The following NUPR2 variants were observed in gnomAD, a reference collection of about 807,000 sequenced individuals.
NUPR2 encodes the protein nuclear protein 2.
NUPR2 carries 14 observed loss-of-function variants against 7.3 expected under a neutral mutation model. That is an observed-to-expected ratio of 1.93 (90% CI 1.27 to 3.01). The LOEUF is 3.01. Among genes scored for constraint, NUPR2 ranks in the 30% most tolerant of loss-of-function variants. The pLI, the probability that NUPR2 is intolerant of heterozygous loss-of-function variation, is 0.00. For synonymous variants in NUPR2, 56 were observed against 59.7 expected (o/e 0.94, Z 0.29); for missense variants, 162 against 143.7 (o/e 1.13, Z -0.65).
In NUPR2 at chr7:56,116,277, T is replaced by C; in HGVS notation, c.38A>G (p.Gln13Arg). The C allele has an allele frequency of 1.3e-6, 2 of 1,501,436 alleles. No homozygotes were observed. The highest frequency in any genetic ancestry group is 1.8e-6 in the Non-Finnish European group (2 of 1,129,228). The allele number at this position is 1,501,436 out of a possible 1,614,324, so 93.0% of individuals were successfully genotyped here. A position where few individuals can be genotyped will look rare whatever the true frequency, so the allele number is the denominator to read the frequency against. Reference sequence around the variant, plus strand: ...GGGTGGCGGCGGCCGAGCCAGAGCCTGCAGACGTGGAAGCGCCCGCTCTGC... The same window carrying C: ...GGGTGGCGGCGGCCGAGCCAGAGCCCGCAGACGTGGAAGCGCCCGCTCTGC... Reference protein sequence around the residue: ...APAERALPRLQALARPPPPIS... With the variant: ...APAERALPRLRALARPPPPIS... The change falls in exon 1 of 2, where the codon CAG becomes CGG. Residue 13 changes from glutamine (Q) to arginine (R), a missense_variant. Coordinates refer to ENST00000329309, the MANE Select transcript of NUPR2 (RefSeq NM_001145712.2).
At chr7:56,115,428 T>TATATA (rs58684972) in intron 1 of NUPR2, among the ~76,000 whole-genome samples, 5 of 45,926 alleles carry the variant, frequency 1.1e-4, no homozygotes, top group Non-Finnish European at 1.6e-4. Flanking sequence ...TATATATATA[T>TATATA]TTGTGTGTGT....
At position 56,116,187 on chromosome 7, in the gene NUPR2, C is replaced by A; in HGVS notation, c.128G>T (p.Cys43Phe). 1 of 1,548,930 alleles carries A rather than the reference C, an allele frequency of 6.5e-7. No homozygotes were observed. The highest frequency in any genetic ancestry group is 8.7e-7 in the Non-Finnish European group (1 of 1,145,976). Residue 43 changes from cysteine (C) to phenylalanine (F), a missense_variant, in exon 1 of 2, where the codon TGC (cysteine) becomes TTC (phenylalanine). Transcript: ENST00000329309. ...CCGGCCCTTGCTGCGCCCTGCCCCG[C>A]AGGCCGGGAAGTCGCGCAGGTAGTA... ...DYYYLRDFPA[C>F]GAGRSKGRTR...
rs1426045768 is a variant in NUPR2 at position 56,116,189 on chromosome 7, G to A, written c.126C>T (p.Ala42=). 14 of 1,548,850 alleles carry A rather than the reference G, an allele frequency of 9.0e-6. No homozygotes were observed. The highest frequency in any genetic ancestry group is 3.5e-6 in the Non-Finnish European group (4 of 1,146,022). The change falls in exon 1 of 2, where the codon GCC becomes GCT. Residue 42 remains alanine, a synonymous_variant. Transcript: ENST00000329309. ...LDYYYLRDFP[A]CGAGRSKGRT... is the part of the protein sequence containing the mutation. ...GGCCCTTGCTGCGCCCTGCCCCGCA[G>A]GCCGGGAAGTCGCGCAGGTAGTAGT... is the stretch of plus-strand genomic sequence containing the variant.
At chr7:56,115,422 T>TAC (rs1360953790) in intron 1 of NUPR2, among the ~76,000 whole-genome samples, 6,420 of 55,102 alleles carry the variant, frequency 0.12, 1,202 homozygotes, top group African/African-American at 0.16. Context: ...TATATATATA[T>TAC]ATATATTTGT....
rs142733815 is a variant in NUPR2, at chr7:56,114,766, A to T, written c.*138T>A. 10 of 152,324 alleles carry T rather than the reference A, an allele frequency of 6.6e-5. No homozygotes were observed. The highest frequency in any genetic ancestry group is 2.4e-4 in the African/African-American group (10 of 41,586). 9.4% of individuals were successfully genotyped at this position (152,324 alleles called of 1,614,324 possible). On this transcript the variant is annotated 3_prime_UTR_variant, in exon 2 of 2. Coordinates refer to ENST00000329309, the MANE Select transcript of NUPR2 (RefSeq NM_001145712.2). ...CTACTTAATTAACAATCAATTAGTA[A>T]GGAAAAGATATCGAAGCAGTAAACT...
chr7:56,115,961 G>A (rs962997555), intron 1 of NUPR2, 54 bp downstream of exon 1: 2 of 1,360,226 alleles, frequency 1.5e-6, no homozygotes, highest in South Asian at 1.6e-5. Context: ...GCCGTGGGGG[G>A]ACGCTCCTAG....
At chr7:56,115,375 A>G in intron 1 of NUPR2, among the ~76,000 whole-genome samples, 1 of 137,040 alleles carries the variant, frequency 7.3e-6, no homozygotes, top group Admixed American at 7.6e-5. Context: ...CTGTAACCTC[A>G]GCCTCCCGGG....
intron 1 of NUPR2, among the ~76,000 whole-genome samples, chr7:56,115,424 TATATTTGTGTG>T (rs1785527739): frequency 2.0e-5 from 1 of 50,206 alleles, no homozygotes; most frequent in Non-Finnish European, 3.5e-5. Context: ...TATATATATA[TATATTTGTGTG>T]TGTGTGTGTG....
At position 56,116,391 on chromosome 7, in the gene NUPR2, G is replaced by A. The variant is rs912619062; in HGVS notation, c.-77C>T. On this transcript the variant is annotated 5_prime_UTR_variant, in exon 1 of 2. Coordinates refer to ENST00000329309, the MANE Select transcript of NUPR2 (RefSeq NM_001145712.2). ...CTGGAAGACCCAGCAGCCCCGCCTC[G>A]AGTTCCGATGGGCTCCGCGTGAAGG... is the stretch of plus-strand genomic sequence containing the variant. 7 of 816,988 alleles carry A rather than the reference G, an allele frequency of 8.6e-6. No individual in the cohort carries two copies. In the Admixed American group the frequency reaches 1.6e-4, roughly 19 times the overall value. The allele number at this position is 816,988 out of a possible 1,614,324, so 50.6% of individuals were successfully genotyped here. A position where few individuals can be genotyped will look rare whatever the true frequency, so the allele number is the denominator to read the frequency against.
In NUPR2 at chr7:56,115,429, T is replaced by TGTG. The variant is rs1554376538; in HGVS notation, c.*7-533_*7-532insCAC. 4.8e-4 allele frequency among the ~76,000 whole-genome samples: 15 copies of TGTG among 30,996 alleles called. 1 individual carries two copies. Among genetic ancestry groups the TGTG allele is most frequent in the South Asian group, 1.1e-3 (1 of 888 alleles). 20.3% of individuals were successfully genotyped at this position (30,996 alleles called of 152,430 possible). On this transcript the variant is annotated intron_variant, in intron 1 of 1. Transcript: ENST00000329309. ...TATATATATATATATATATATATAT[T>TGTG]TGTGTGTGTGTGTGTGTGTGTGTGT...
At chr7:56,115,932 C>T in intron 1 of NUPR2, 83 bp downstream of exon 1, 1 of 1,270,126 alleles carries the variant, frequency 7.9e-7, no homozygotes, top group South Asian at 1.7e-5. Flanking sequence ...CCGACTCTGC[C>T]CAGGGCGAGC....
rs1041656545 is a variant in NUPR2, at chr7:56,115,286, T to C, written c.*7-389A>G. On this transcript the variant is annotated intron_variant, in intron 1 of 1. Coordinates refer to ENST00000329309, the MANE Select transcript of NUPR2 (RefSeq NM_001145712.2). ...GAGCGCCGGAAGAAAAGCTCCTACC[T>C]GCATCTATTTTTTTTAGACACAGGG... Among the ~76,000 whole-genome samples the C allele has an allele frequency of 8.7e-5, 13 of 150,010 alleles. 1 individual carries two copies. Among genetic ancestry groups the C allele is most frequent in the Admixed American group, 8.0e-4 (12 of 15,000 alleles).
intron 1 of NUPR2, 56 bp from the exon 2 acceptor site, chr7:56,114,953 T>G (rs1385964740): frequency 1.3e-5 from 2 of 152,200 alleles, no homozygotes; most frequent in Non-Finnish European, 2.9e-5. Context: ...TTTCTTTTTT[T>G]GACACAGGGT....
rs375800151 is a variant in NUPR2 at position 56,115,429 on chromosome 7, T to G, written c.*7-532A>C. Reference sequence around the variant, plus strand: ...TATATATATATATATATATATATATTTGTGTGTGTGTGTGTGTGTGTGTGT... The same window carrying G: ...TATATATATATATATATATATATATGTGTGTGTGTGTGTGTGTGTGTGTGT... On this transcript the variant is annotated intron_variant, in intron 1 of 1. Coordinates refer to ENST00000329309, the MANE Select transcript of NUPR2 (RefSeq NM_001145712.2). Among the ~76,000 whole-genome samples the G allele has an allele frequency of 3.3e-3, 102 of 30,952 alleles. 2 individuals are homozygous for G. The highest frequency in any genetic ancestry group is 4.7e-3 in the Non-Finnish European group (87 of 18,414). 20.3% of individuals were successfully genotyped at this position (30,952 alleles called of 152,430 possible).
rs958869559 is a variant in NUPR2, at chr7:56,116,352, G to C, written c.-38C>G. The C allele has an allele frequency of 1.6e-5, 19 of 1,213,932 alleles. No homozygotes were observed. In the East Asian group the frequency reaches 6.2e-4, roughly 39 times the overall value. 75.2% of individuals were successfully genotyped at this position (1,213,932 alleles called of 1,614,324 possible). On this transcript the variant is annotated 5_prime_UTR_variant, in exon 1 of 2. Coordinates refer to ENST00000329309, the MANE Select transcript of NUPR2 (RefSeq NM_001145712.2). ...TGTGGCCACCGGCGGCCACCTGCCC[G>C]CGTCTGGGCGCTCCTGGAAGACCCA...
At chr7:56,115,729 C>A (rs981307051) in intron 1 of NUPR2, among the ~76,000 whole-genome samples, 42 of 150,216 alleles carry the variant, frequency 2.8e-4, no homozygotes, top group African/African-American at 1.0e-3. Context: ...CTCGGCCTCC[C>A]AAAGTGCTGG....
Position 56,116,122 on chromosome 7 carries a change from G to A in NUPR2, c.193C>T (p.Pro65Ser). 6.5e-7 allele frequency: 1 copy of A among 1,544,490 alleles called. No homozygotes were observed. Among genetic ancestry groups the A allele is most frequent in the African/African-American group, 1.4e-5 (1 of 72,012 alleles). The change falls in exon 1 of 2, where the codon CCT becomes TCT. Residue 65 changes from proline to serine, a missense_variant. By Grantham distance (74) the Pro-to-Ser change is moderately conservative. Transcript: ENST00000329309. ...EQALRTNWPA[P>S]GGHERKVAQK... ...GCGACCTTGCGCTCGTGCCCGCCAG[G>A]TGCAGGCCAGTTGGTGCGCAGCGCC...
intron 1 of NUPR2, among the ~76,000 whole-genome samples, chr7:56,115,399 A>ATATATATATATATATACATATG (rs1444429415): frequency 1.0e-4 from 2 of 19,982 alleles, no homozygotes; most frequent in African/African-American, 6.6e-4. Flanking sequence ...GATCGCATAT[A>ATATATATATATATATACATATG]TATATATATA....
intron 1 of NUPR2, among the ~76,000 whole-genome samples, chr7:56,115,428 T>TATATATATATATATA (rs58684972): frequency 1.5e-4 from 7 of 45,924 alleles, no homozygotes; most frequent in African/African-American, 3.9e-4. Flanking sequence ...TATATATATA[T>TATATATATATATATA]TTGTGTGTGT....
Sources: gnomAD v4.1 joint callset for allele counts (sites outside exome capture counted in the v4.1 genomes callset) on GRCh38, gnomAD v4.1.1 for gene constraint, MANE v1.5 for transcripts, NCBI Gene and HGNC (gene_info 2026-07-23, HGNC 2026-07-21) for gene names.